Variants in NLGN1 observed in about 807,000 individuals in gnomAD.
NLGN1 encodes neuroligin-1.
In NLGN1, 12 loss-of-function variants were observed where a neutral mutation model predicts 65.5. The observed-to-expected ratio is 0.18, with a 90% CI of 0.12 to 0.30. NLGN1 has a LOEUF of 0.30. NLGN1 is among the 10% of genes least tolerant of loss of function. NLGN1 has a pLI of 1.00. For synonymous variants in NLGN1, 350 were observed against 359.5 expected (o/e 0.97, Z 0.30); for missense variants, 750 against 1,007.1 (o/e 0.74, Z 3.46).
rs1408847266 is a variant in NLGN1 at position 174,265,773 on chromosome 3, A to ATG, written c.647-9541_647-9540insGT. On this transcript the variant is annotated intron_variant, in intron 4 of 6. Coordinates refer to ENST00000457714, the Ensembl canonical transcript of NLGN1. ...CTAAAACTAAGAAGGCTATATATAT[A>ATG]TATATATATGTATATATATATATAT... is the stretch of plus-strand genomic sequence containing the variant. Among the ~76,000 whole-genome samples the ATG allele has an allele frequency of 6.8e-3, 815 of 120,290 alleles. 15 individuals are homozygous for ATG. The highest frequency in any genetic ancestry group is 0.026 in the African/African-American group (771 of 29,562). The allele number at this position is 120,290 out of a possible 152,430, so 78.9% of individuals were successfully genotyped here.
intron 2 of NLGN1, among the ~76,000 whole-genome samples, chr3:173,449,820 C>T (rs1721138134): frequency 6.6e-6 from 1 of 152,096 alleles, no homozygotes; most frequent in Non-Finnish European, 1.5e-5. Context: ...TATCTAATGG[C>T]CTTCTTTGTC....
At chr3:173,701,547 T>G (rs1767167164) in intron 3 of NLGN1, among the ~76,000 whole-genome samples, 1 of 152,236 alleles carries the variant, frequency 6.6e-6, no homozygotes, top group Non-Finnish European at 1.5e-5. Context: ...GATTTTGGAC[T>G]TCTCACATCC....
In NLGN1 at chr3:173,761,292, C is replaced by T. The variant is rs149753261; in HGVS notation, c.494-46388C>T. Among the ~76,000 whole-genome samples, 500 of 152,100 alleles carry T rather than the reference C, an allele frequency of 3.3e-3. 4 individuals are homozygous for T. The highest frequency in any genetic ancestry group is 5.6e-3 in the Non-Finnish European group (378 of 67,966). ...GAGAGCTCAAAGCCCACTGGAGTGA[C>T]GTCTTATTTTCTCTTCTATTAAAGA... On this transcript the variant is annotated intron_variant, in intron 3 of 6. Transcript: ENST00000457714.
intron 4 of NLGN1, among the ~76,000 whole-genome samples, chr3:173,973,204 C>G (rs1399133363): frequency 2.0e-5 from 3 of 152,060 alleles, no homozygotes; most frequent in African/African-American, 7.2e-5. Context: ...TGTGTATTAT[C>G]ATTGTGGGAA....
intron 3 of NLGN1, among the ~76,000 whole-genome samples, chr3:173,737,847 G>A (rs1178852074): frequency 1.3e-5 from 2 of 151,980 alleles, no homozygotes; most frequent in Non-Finnish European, 2.9e-5. Flanking sequence ...TTTCCAAAGT[G>A]GATGCATCAT....
intron 4 of NLGN1, among the ~76,000 whole-genome samples, chr3:173,845,127 CTG>C (rs761875740): frequency 3.9e-5 from 6 of 152,184 alleles, no homozygotes; most frequent in Non-Finnish European, 8.8e-5. Flanking sequence ...CTTGTTAGTT[CTG>C]TGTTACCACC....
At chr3:174,150,228 T>G (rs1364737348) in intron 4 of NLGN1, among the ~76,000 whole-genome samples, 1 of 152,104 alleles carries the variant, frequency 6.6e-6, no homozygotes, top group Non-Finnish European at 1.5e-5. Context: ...ATATTTTAAG[T>G]GTAAATATAT....
At chr3:173,828,887 G>T (rs1721906647) in intron 4 of NLGN1, among the ~76,000 whole-genome samples, 1 of 151,980 alleles carries the variant, frequency 6.6e-6, no homozygotes, top group Non-Finnish European at 1.5e-5. Flanking sequence ...TAGGGTAATG[G>T]CAAATGTTGT....
intron 4 of NLGN1, among the ~76,000 whole-genome samples, chr3:174,102,107 A>G (rs911270016): frequency 1.3e-5 from 2 of 152,146 alleles, no homozygotes; most frequent in Non-Finnish European, 2.9e-5. Flanking sequence ...ATAAGTTTAG[A>G]TTTTCCACCC....
chr3:174,280,876 T>C lies in NLGN1; in HGVS notation c.2045T>C (p.Val682Ala), dbSNP rs1314548738. The stretch of plus-strand genomic sequence containing the variant: ...ACAGAGCTGAGTGTCACTATTGCAG[T>C]TGGAGCATCACTGCTGTTTCTGAAC... Residue 682 changes from valine (V) to alanine (A), a missense_variant, in exon 7 of 7, where the codon GTT becomes GCT. Physicochemically the swap from Val to Ala is moderately conservative, Grantham distance 64. Transcript: ENST00000457714. The surrounding 1 kb of genome is among the most constrained non-coding windows in gnomAD (Gnocchi z 4.9). 20 of 1,613,270 alleles carry C rather than the reference T, an allele frequency of 1.2e-5. No homozygotes were observed. The highest frequency in any genetic ancestry group is 1.6e-5 in the Non-Finnish European group (19 of 1,179,600).
chr3:173,503,402 A>G (rs1261087461), intron 2 of NLGN1, among the ~76,000 whole-genome samples: 2 of 152,094 alleles, frequency 1.3e-5, no homozygotes, highest in East Asian at 1.9e-4. Context: ...TTATAAAGGC[A>G]TGACCCTCTT....
intron 3 of NLGN1, among the ~76,000 whole-genome samples, chr3:173,790,170 A>ATG (rs1712360344): frequency 6.6e-6 from 1 of 152,038 alleles, no homozygotes; most frequent in South Asian, 2.1e-4. Context: ...GTGTGTATAT[A>ATG]TGTGTGTGTG....
intron 4 of NLGN1, among the ~76,000 whole-genome samples, chr3:174,180,597 C>T (rs1730204551): frequency 1.3e-5 from 2 of 152,110 alleles, no homozygotes; most frequent in African/African-American, 4.8e-5. Context: ...AAACAATTCA[C>T]TTTTGACTTC....
intron 4 of NLGN1, among the ~76,000 whole-genome samples, chr3:173,996,313 C>A (rs1722269594): frequency 6.6e-6 from 1 of 152,092 alleles, no homozygotes; most frequent in Non-Finnish European, 1.5e-5. Flanking sequence ...TGAATCAGTG[C>A]TTCCCAAACT....
At chr3:173,992,428 C>T (rs539210246) in intron 4 of NLGN1, among the ~76,000 whole-genome samples, 5 of 152,156 alleles carry the variant, frequency 3.3e-5, no homozygotes, top group Admixed American at 3.3e-4. Flanking sequence ...TTTTTTTACT[C>T]CACCCCTTTC....
intron 2 of NLGN1, among the ~76,000 whole-genome samples, chr3:173,493,840 TAG>T (rs559000286): frequency 0.064 from 9,670 of 150,316 alleles, 422 homozygotes; most frequent in Middle Eastern, 0.19. Context: ...TATATATATA[TAG>T]AGAGAGAGTA....
At position 173,973,807 on chromosome 3, in the gene NLGN1, C is replaced by CATGGTAG. The variant is rs1460866454; in HGVS notation, c.646+165976_646+165982dup. Among the ~76,000 whole-genome samples, 18 of 152,122 alleles carry CATGGTAG rather than the reference C, an allele frequency of 1.2e-4. No individual in the cohort carries two copies. In the East Asian group the frequency reaches 3.5e-3, roughly 29 times the overall value. On this transcript the variant is annotated intron_variant, in intron 4 of 6. Coordinates refer to ENST00000457714, the Ensembl canonical transcript of NLGN1. ...AATAATGTTGGCTACACAGACGAGC[C>CATGGTAG]ATGGTAGTTTTATGCTTATTATTAG...
At chr3:174,217,024 A>G (rs139064242) in intron 4 of NLGN1, among the ~76,000 whole-genome samples, 1,675 of 152,256 alleles carry the variant, frequency 0.011, 39 homozygotes, top group African/African-American at 0.038. Context: ...ATGCAATTTC[A>G]TATATCATAG....
At position 173,523,108 on chromosome 3, in the gene NLGN1, C is replaced by A. The variant is rs915288008; in HGVS notation, c.-320-81171C>A. ...TCTCTTCATGTCCTTTGCCCACATT[C>A]TAAAAAATGAGGTTATTTGTTTTTG... On this transcript the variant is annotated intron_variant, in intron 2 of 6. Coordinates refer to ENST00000457714, the Ensembl canonical transcript of NLGN1. 5.8e-5 allele frequency among the ~76,000 whole-genome samples: 8 copies of A among 139,058 alleles called. 1 individual carries two copies. Among genetic ancestry groups the A allele is most frequent in the Admixed American group, 7.4e-5 (1 of 13,554 alleles). 91.2% of individuals were successfully genotyped at this position (139,058 alleles called of 152,430 possible).
Sources: allele counts gnomAD v4.1 joint callset (sites outside exome capture counted in the v4.1 genomes callset), GRCh38; gene constraint gnomAD v4.1.1; non-coding constraint Gnocchi (gnomAD v3.1); transcripts MANE v1.5; gene names NCBI Gene and HGNC (gene_info 2026-07-23, HGNC 2026-07-21).